Variants in MSRA observed in about 807,000 individuals in gnomAD.
MSRA encodes methionine sulfoxide reductase A.
Under a neutral mutation model 31.3 loss-of-function variants are expected in MSRA, and 54 were observed. The ratio of observed to expected loss-of-function variants is 1.73; its 90% CI spans 1.39 to 2.17. MSRA has a LOEUF of 2.17. Ranked by LOEUF, MSRA falls within the 30% of genes most tolerant of loss-of-function variation. MSRA has a pLI of 0.00. For missense variants in MSRA, 507 were observed against 300.9 expected, an observed-to-expected ratio of 1.69 and a Z score of -5.07; for synonymous variants, 169 against 116.5, an observed-to-expected ratio of 1.45 and a Z score of -2.90.
chr8:10,072,155 G>T (rs1378650679), intron 1 of MSRA, among the ~76,000 whole-genome samples: 1 of 152,110 alleles, frequency 6.6e-6, no homozygotes, highest in Non-Finnish European at 1.5e-5. Flanking sequence ...TTGCAGCAGT[G>T]AGAGATACGT....
intron 2 of MSRA, among the ~76,000 whole-genome samples, chr8:10,215,806 T>C (rs1378339499): frequency 3.3e-5 from 5 of 152,226 alleles, no homozygotes; most frequent in Admixed American, 2.0e-4. Flanking sequence ...TTTCACTTTT[T>C]GCAGTAGTGT....
intron 1 of MSRA, among the ~76,000 whole-genome samples, chr8:10,103,315 C>T (rs1248616182): frequency 6.6e-6 from 1 of 152,130 alleles, no homozygotes; most frequent in Non-Finnish European, 1.5e-5. Flanking sequence ...TGAATTCAAA[C>T]CTGTAGCTTC....
At chr8:10,114,100 C>T (rs1156876395) in intron 1 of MSRA, among the ~76,000 whole-genome samples, 1 of 152,200 alleles carries the variant, frequency 6.6e-6, no homozygotes, top group African/African-American at 2.4e-5. Flanking sequence ...TTTTGCTTAG[C>T]ATGGTGTTCA....
At chr8:10,231,634 G>T (rs1811482037) in intron 2 of MSRA, among the ~76,000 whole-genome samples, 2 of 152,234 alleles carry the variant, frequency 1.3e-5, no homozygotes, top group Non-Finnish European at 2.9e-5. Context: ...CGGGTGCAGT[G>T]GCTCACGCCT....
chr8:10,222,994 G>A (rs895478725), intron 2 of MSRA, among the ~76,000 whole-genome samples: 2 of 152,152 alleles, frequency 1.3e-5, no homozygotes, highest in Non-Finnish European at 2.9e-5. Context: ...AAGTGTGTAA[G>A]GTGATAGGTA....
intron 4 of MSRA, 125 bp downstream of exon 4, chr8:10,301,763 C>A: frequency 1.3e-6 from 1 of 758,014 alleles, no homozygotes; most frequent in South Asian, 1.9e-5. Flanking sequence ...TGATTGCAGA[C>A]ATTTATTGAC....
At chr8:10,338,793 T>G (rs1318233837) in intron 5 of MSRA, among the ~76,000 whole-genome samples, 3 of 152,216 alleles carry the variant, frequency 2.0e-5, no homozygotes, top group African/African-American at 7.2e-5. Flanking sequence ...TCATACAACT[T>G]CAGACAAATA....
At chr8:10,084,241 C>T (rs1798437652) in intron 1 of MSRA, among the ~76,000 whole-genome samples, 1 of 152,208 alleles carries the variant, frequency 6.6e-6, no homozygotes, top group Non-Finnish European at 1.5e-5. Context: ...GTAGGTTTTG[C>T]ATTTCTGACC....
intron 5 of MSRA, among the ~76,000 whole-genome samples, chr8:10,392,890 C>CGA (rs1441823694): frequency 8.8e-6 from 1 of 113,282 alleles, no homozygotes; most frequent in African/African-American, 3.9e-5. Context: ...ACTAAAAATG[C>CGA]AAAAAAAAAA....
intron 5 of MSRA, among the ~76,000 whole-genome samples, chr8:10,340,236 A>G (rs1346007913): frequency 6.6e-6 from 1 of 152,138 alleles, no homozygotes; most frequent in Non-Finnish European, 1.5e-5. Flanking sequence ...CAGGTCTCCC[A>G]AGCTGACCCC....
At chr8:10,220,715 T>TG (rs1275190024) in intron 2 of MSRA, among the ~76,000 whole-genome samples, 2 of 152,176 alleles carry the variant, frequency 1.3e-5, no homozygotes, top group African/African-American at 2.4e-5. Flanking sequence ...CCAGCACCCT[T>TG]ATATGGATTC....
chr8:10,409,034 T>C (rs189559456), intron 5 of MSRA, among the ~76,000 whole-genome samples: 8 of 152,312 alleles, frequency 5.3e-5, no homozygotes, highest in Admixed American at 5.2e-4. Context: ...CACATCTGAG[T>C]GCAGGTGTCT....
chr8:10,224,045 G>T (rs986827979), intron 2 of MSRA, among the ~76,000 whole-genome samples: 1 of 152,134 alleles, frequency 6.6e-6, no homozygotes, highest in Non-Finnish European at 1.5e-5. Flanking sequence ...ATCATCATTT[G>T]TTCAATGGAG....
intron 3 of MSRA, among the ~76,000 whole-genome samples, chr8:10,265,123 G>A (rs1040581578): frequency 6.6e-6 from 1 of 152,172 alleles, no homozygotes; most frequent in African/African-American, 2.4e-5. Flanking sequence ...TCTTCAGGTG[G>A]TGTTTTACCA....
chr8:10,220,561 G>A (rs1810399392), intron 2 of MSRA, among the ~76,000 whole-genome samples: 1 of 152,120 alleles, frequency 6.6e-6, no homozygotes, highest in African/African-American at 2.4e-5. Flanking sequence ...TTTGCCATAT[G>A]CCTGTTGTCT....
At chr8:10,223,548 C>T (rs903866778) in intron 2 of MSRA, among the ~76,000 whole-genome samples, 3 of 152,164 alleles carry the variant, frequency 2.0e-5, no homozygotes, top group African/African-American at 7.2e-5. Context: ...AGTAGAAATT[C>T]TCCAAACTGT....
intron 4 of MSRA, among the ~76,000 whole-genome samples, chr8:10,316,527 C>CTCT (rs1801726307): frequency 6.1e-4 from 69 of 112,628 alleles, no homozygotes; most frequent in African/African-American, 1.9e-3. Context: ...TTTGATGATC[C>CTCT]CTCTCTCTCT....
chr8:10,151,885 C>T (rs1374256596), intron 1 of MSRA, among the ~76,000 whole-genome samples: 1 of 152,204 alleles, frequency 6.6e-6, no homozygotes, highest in Non-Finnish European at 1.5e-5. Context: ...AAAAGGTTAC[C>T]TGGCCTTTTT....
intron 5 of MSRA, among the ~76,000 whole-genome samples, chr8:10,404,084 T>C (rs1807639655): frequency 6.6e-6 from 1 of 152,226 alleles, no homozygotes; most frequent in Admixed American, 6.5e-5. Context: ...TTTATGTTGA[T>C]GAAGTAGACT....
Sources: allele counts gnomAD v4.1 joint callset (sites outside exome capture counted in the v4.1 genomes callset), GRCh38; gene constraint gnomAD v4.1.1; transcripts MANE v1.5; gene names NCBI Gene and HGNC (gene_info 2026-07-23, HGNC 2026-07-21).